The following GPCPD1 variants were observed in gnomAD, a reference collection of about 807,000 sequenced individuals.
GPCPD1 encodes the protein glycerophosphocholine phosphodiesterase GPCPD1.
GPCPD1 carries 29 observed loss-of-function variants against 89.2 expected under a neutral mutation model. The observed-to-expected ratio is 0.33, with a 90% confidence interval of 0.24 to 0.44. The LOEUF is 0.44. GPCPD1 is among the 20% of genes least tolerant of loss of function. GPCPD1 has a pLI of 1.00. For missense variants in GPCPD1, 594 were observed against 808.9 expected, an observed-to-expected ratio of 0.73 and a Z score of 3.22; for synonymous variants, 258 against 266.3, an observed-to-expected ratio of 0.97 and a Z score of 0.30.
chr20:5,583,578 T>C (rs1978709654), intron 6 of GPCPD1, among the ~76,000 whole-genome samples: 1 of 152,150 alleles, frequency 6.6e-6, no homozygotes, highest in African/African-American at 2.4e-5. Context: ...TCTCAGGATA[T>C]AGTATTTACT....
At chr20:5,606,140 T>C (rs1980566759) in intron 1 of GPCPD1, among the ~76,000 whole-genome samples, 2 of 152,200 alleles carry the variant, frequency 1.3e-5, no homozygotes, top group African/African-American at 2.4e-5. Flanking sequence ...ATCCACTAAC[T>C]TAAGTACCTA....
At chr20:5,554,050 G>A (rs1985600268) in intron 19 of GPCPD1, among the ~76,000 whole-genome samples, 1 of 135,956 alleles carries the variant, frequency 7.4e-6, no homozygotes, top group Non-Finnish European at 1.6e-5. Context: ...CTCACTGCAA[G>A]CTCCGACTCC....
At chr20:5,550,461 C>A (rs1481641409) in intron 19 of GPCPD1, among the ~76,000 whole-genome samples, 5 of 152,080 alleles carry the variant, frequency 3.3e-5, no homozygotes. Flanking sequence ...CATGTATTGA[C>A]AGACTAAAAG....
chr20:5,571,172 A>G (rs1568655615), intron 11 of GPCPD1, among the ~76,000 whole-genome samples: 1 of 152,200 alleles, frequency 6.6e-6, no homozygotes, highest in Non-Finnish European at 1.5e-5. Flanking sequence ...CACAGACTAG[A>G]GTCAAAGGAG....
chr20:5,570,259 A>G lies in GPCPD1; in HGVS notation c.1057-20T>C, dbSNP rs761339018. 7.5e-7 allele frequency: 1 copy of G among 1,333,946 alleles called. No homozygotes were observed. The highest frequency in any genetic ancestry group is 2.3e-5 in the East Asian group (1 of 43,438). 82.6% of individuals were successfully genotyped at this position (1,333,946 alleles called of 1,614,324 possible). On this transcript the variant is annotated intron_variant, in intron 11 of 19. Transcript: ENST00000379019. ...TGCACCCTGACAGAAGGAAGCAAGT[A>G]TTTGAAAAACATTGCCTGGTACACA...
chr20:5,576,774 T>C (rs1978290342), intron 8 of GPCPD1, among the ~76,000 whole-genome samples: 1 of 152,296 alleles, frequency 6.6e-6, no homozygotes, highest in East Asian at 1.9e-4. Context: ...ATACTCACTT[T>C]GAGATTACAC....
chr20:5,606,429 T>C lies in GPCPD1; in HGVS notation c.-28-1989A>G, dbSNP rs1980590371. 3.9e-5 allele frequency among the ~76,000 whole-genome samples: 6 copies of C among 152,194 alleles called. No homozygotes were observed. In the South Asian group the frequency reaches 1.2e-3, roughly 31 times the overall value. ...TGAAACAATTCTAAAGTACCTTTCA[T>C]AGCTACCTTACATAGTCATTTTTCT... On this transcript the variant is annotated intron_variant, in intron 1 of 19. Coordinates refer to ENST00000379019, the MANE Select transcript of GPCPD1 (RefSeq NM_019593.5).
intron 11 of GPCPD1, 118 bp from the exon 12 acceptor site, chr20:5,570,357 T>A (rs1439681167): frequency 8.0e-6 from 2 of 250,302 alleles, no homozygotes; most frequent in Non-Finnish European, 1.5e-5. Flanking sequence ...AAACTTTTTC[T>A]AAAAAGTAAT....
At chr20:5,598,875 G>T in intron 2 of GPCPD1, 54 bp from the exon 3 acceptor site, 1 of 1,106,976 alleles carries the variant, frequency 9.0e-7, no homozygotes, top group Non-Finnish European at 1.4e-6. Flanking sequence ...GTCACAGTGG[G>T]ATAAGCAGGG....
chr20:5,573,232 G>A (rs1007338091), intron 11 of GPCPD1, among the ~76,000 whole-genome samples: 2 of 151,888 alleles, frequency 1.3e-5, no homozygotes, highest in Non-Finnish European at 2.9e-5. Flanking sequence ...TAACAGGCGC[G>A]GGCCACCATG....
At chr20:5,578,093 T>C (rs1478026677) in intron 8 of GPCPD1, among the ~76,000 whole-genome samples, 1 of 152,252 alleles carries the variant, frequency 6.6e-6, no homozygotes, top group Non-Finnish European at 1.5e-5. Flanking sequence ...TATTTACCAC[T>C]GATGTTTCCT....
Position 5,577,043 on chromosome 20 carries a change from A to C in GPCPD1, c.706-1065T>G, listed in dbSNP as rs184191943. On this transcript the variant is annotated intron_variant, in intron 8 of 19. Coordinates refer to ENST00000379019, the MANE Select transcript of GPCPD1 (RefSeq NM_019593.5). Reference sequence around the variant, plus strand: ...AACAAAGACCCCATCTCAACAACAAAAAAAAAGTTGTTTTTTTTTTTGTTT... The same window carrying C: ...AACAAAGACCCCATCTCAACAACAACAAAAAAGTTGTTTTTTTTTTTGTTT... 8.1e-5 allele frequency among the ~76,000 whole-genome samples: 12 copies of C among 148,522 alleles called. No homozygotes were observed. In the East Asian group the frequency reaches 1.4e-3, roughly 17 times the overall value.
intron 3 of GPCPD1, among the ~76,000 whole-genome samples, chr20:5,594,694 G>C (rs1979585992): frequency 6.6e-6 from 1 of 152,186 alleles, no homozygotes; most frequent in Non-Finnish European, 1.5e-5. Context: ...GCTCTGCTAA[G>C]ACAGGTTTTA....
rs1014020179 is a variant in GPCPD1 at position 5,567,501 on chromosome 20, G to A, written c.1209C>T (p.Asp403=). 6.4e-7 allele frequency: 1 copy of A among 1,563,652 alleles called. No individual in the cohort carries two copies. Among genetic ancestry groups the A allele is most frequent in the Non-Finnish European group, 8.6e-7 (1 of 1,162,090 alleles). ...FEIPVKELTF[D]QLQLLKLTHV... ...TTACTACCTTTAACAACTGGAGTTG[G>A]TCAAATGTTAATTCTTTTACTGGAA... Residue 403 remains aspartate (D), a synonymous_variant, in exon 13 of 20, where the codon GAC becomes GAT. Transcript: ENST00000379019.
chr20:5,593,349 T>C lies in GPCPD1; in HGVS notation c.209A>G (p.Lys70Arg), dbSNP rs765533654. Residue 70 changes from lysine to arginine, a missense_variant, in exon 4 of 20, where the codon AAA becomes AGA. Physicochemically the swap from Lys to Arg is conservative, Grantham distance 26. Transcript: ENST00000379019. ...RGVSVQYRYF[K>R]GYFLEPKTIG... ...TACCTTTGGTTCTAAAAAGTACCCT[T>C]TGAAGTAGCGATACTGAACTGATAC... 32 of 1,577,712 alleles carry C rather than the reference T, an allele frequency of 2.0e-5. No homozygotes were observed. The highest frequency in any genetic ancestry group is 2.7e-5 in the Non-Finnish European group (31 of 1,147,260).
intron 19 of GPCPD1, among the ~76,000 whole-genome samples, chr20:5,551,751 A>G (rs1225540374): frequency 6.6e-6 from 1 of 152,136 alleles, no homozygotes; most frequent in East Asian, 1.9e-4. Flanking sequence ...AGCCTGGGTG[A>G]CAAAGACTCT....
intron 16 of GPCPD1, among the ~76,000 whole-genome samples, chr20:5,560,345 T>C (rs1305461106): frequency 6.6e-6 from 1 of 152,244 alleles, no homozygotes; most frequent in Non-Finnish European, 1.5e-5. Flanking sequence ...CACTTTTGCA[T>C]TAATAAAGTT....
chr20:5,573,487 C>T (rs1986835374), intron 11 of GPCPD1, among the ~76,000 whole-genome samples: 1 of 152,180 alleles, frequency 6.6e-6, no homozygotes. Context: ...TATTCAGATA[C>T]TCACTTTGGA....
Position 5,547,832 on chromosome 20 carries a change from A to G in GPCPD1, c.1848T>C (p.Pro616=), listed in dbSNP as rs369477948. Residue 616 remains proline, a synonymous_variant, in exon 20 of 20, where the codon CCT becomes CCC. Coordinates refer to ENST00000379019, the MANE Select transcript of GPCPD1 (RefSeq NM_019593.5). ...CCACTTGGAATATATTTGGTTGTTC[A>G]GGCATCCAATCATATATCCTATGAT... ...LIYDRIYDWM[P]EQPNIFQVEQ... 28 of 1,596,874 alleles carry G rather than the reference A, an allele frequency of 1.8e-5. No individual in the cohort carries two copies. The highest frequency in any genetic ancestry group is 3.4e-5 in the Admixed American group (2 of 59,274).
Sources: gnomAD v4.1 joint callset for allele counts (sites outside exome capture counted in the v4.1 genomes callset) on GRCh38, gnomAD v4.1.1 for gene constraint, MANE v1.5 for transcripts, NCBI Gene and HGNC (gene_info 2026-07-23, HGNC 2026-07-21) for gene names.